ELAPOR2: variants seen among roughly 807,000 people sequenced by gnomAD.
The protein encoded by ELAPOR2 is endosome-lysosome associated apoptosis and autophagy regulator family member 2.
ELAPOR2 carries 89 observed loss-of-function variants against 120.7 expected under a neutral mutation model. The ratio of observed to expected loss-of-function variants is 0.74; its 90% CI spans 0.62 to 0.88. ELAPOR2 has a LOEUF of 0.88. Ranked by LOEUF, ELAPOR2 falls within the 40% of genes least tolerant of loss-of-function variation. The probability of loss-of-function intolerance (pLI) is 0.00; values close to 1 mark genes in which losing one functional copy is unlikely to be tolerated. For synonymous variants in ELAPOR2, 444 were observed against 444.9 expected, an observed-to-expected ratio of 1.00 and a Z score of 0.03; for missense variants, 1,134 against 1,251.6, an observed-to-expected ratio of 0.91 and a Z score of 1.42.
At chr7:86,955,800 C>T (rs1044992724) in intron 2 of ELAPOR2, among the ~76,000 whole-genome samples, 2 of 152,042 alleles carry the variant, frequency 1.3e-5, no homozygotes, top group Non-Finnish European at 2.9e-5. Context: ...AACTTTTCTA[C>T]TGTTTCTAGT....
In ELAPOR2 at chr7:86,986,363, A is replaced by G. The variant is rs1792736345; in HGVS notation, c.190-21339T>C. 1.8e-5 allele frequency among the ~76,000 whole-genome samples: 2 copies of G among 111,216 alleles called. 1 individual carries two copies. The allele number at this position is 111,216 out of a possible 152,430, so 73.0% of individuals were successfully genotyped here. A position where few individuals can be genotyped will look rare whatever the true frequency, so the allele number is the denominator to read the frequency against. On this transcript the variant is annotated intron_variant, in intron 1 of 21. Coordinates refer to ENST00000450689, the MANE Select transcript of ELAPOR2 (RefSeq NM_001142749.3). ...AGAATGGCGTGAACCCGGGAGGCGG[A>G]GCTTGCAGTGAGCCGAGATCCCGCC...
At chr7:86,959,988 A>G (rs1386239040) in intron 2 of ELAPOR2, among the ~76,000 whole-genome samples, 1 of 152,114 alleles carries the variant, frequency 6.6e-6, no homozygotes, top group African/African-American at 2.4e-5. Flanking sequence ...AGTGTGGTTT[A>G]ATTTCCATGT....
chr7:86,919,298 G>C lies in ELAPOR2; in HGVS notation c.1412C>G (p.Ala471Gly). The C allele has an allele frequency of 6.2e-7, 1 of 1,605,960 alleles. No individual in the cohort carries two copies. The highest frequency in any genetic ancestry group is 1.1e-5 in the South Asian group (1 of 89,838). ...AGCCCCACTCTGGATATGATCTCCA[G>C]CCACCTCCCAACCTAGAAGTAATAA... is the stretch of plus-strand genomic sequence containing the variant. ...KCDGMNGWEV[A>G]GDHIQSGAGG... The change falls in exon 11 of 22, where the codon GCT becomes GGT. Residue 471 changes from alanine to glycine, a missense_variant. Physicochemically the swap from Ala to Gly is moderately conservative, Grantham distance 60 (BLOSUM62 0). Around this residue, in one of 3 missense-constraint regions of ELAPOR2, gnomAD observed 831 missense variants for 867.6 expected, o/e 0.96. Coordinates refer to ENST00000450689, the MANE Select transcript of ELAPOR2 (RefSeq NM_001142749.3).
At chr7:86,964,261 C>T (rs773219105) in intron 2 of ELAPOR2, among the ~76,000 whole-genome samples, 4 of 150,252 alleles carry the variant, frequency 2.7e-5, no homozygotes, top group South Asian at 2.1e-4. Context: ...ACTAAATTAA[C>T]GATTTTAAAA....
At chr7:86,992,360 G>C (rs1562959271) in intron 1 of ELAPOR2, among the ~76,000 whole-genome samples, 1 of 152,172 alleles carries the variant, frequency 6.6e-6, no homozygotes, top group Non-Finnish European at 1.5e-5. Flanking sequence ...AAGCCTGGGA[G>C]TTTGAGGCTG....
At chr7:86,884,601 C>G (rs997208826) in intron 21 of ELAPOR2, among the ~76,000 whole-genome samples, 2 of 152,130 alleles carry the variant, frequency 1.3e-5, no homozygotes, top group Non-Finnish European at 2.9e-5. Flanking sequence ...GGAACCAATC[C>G]TGTATGACCG....
chr7:86,967,746 C>T (rs997630820), intron 1 of ELAPOR2, among the ~76,000 whole-genome samples: 8 of 152,146 alleles, frequency 5.3e-5, no homozygotes, highest in African/African-American at 1.7e-4. Flanking sequence ...ATGTCATGTG[C>T]CAATTAATTT....
At chr7:86,985,011 C>T (rs1454712897) in intron 1 of ELAPOR2, among the ~76,000 whole-genome samples, 1 of 152,036 alleles carries the variant, frequency 6.6e-6, no homozygotes, top group Non-Finnish European at 1.5e-5. Context: ...ATATCACCAC[C>T]AATCCCACAG....
In ELAPOR2 at chr7:86,897,773, A is replaced by G. The variant is rs144246420; in HGVS notation, c.2559-141T>C. On this transcript the variant is annotated intron_variant, in intron 18 of 21. Coordinates refer to ENST00000450689, the MANE Select transcript of ELAPOR2 (RefSeq NM_001142749.3). ...AAGAAACACAAGTGGAAAAAAGTCTAAAAGACACAAACCACTATGAGATAA... is the reference window on the plus strand; with the variant it reads ...AAGAAACACAAGTGGAAAAAAGTCTGAAAGACACAAACCACTATGAGATAA... 9.2e-4 allele frequency: 780 copies of G among 849,598 alleles called. 4 individuals are homozygous for G. The highest frequency in any genetic ancestry group is 7.6e-3 in the African/African-American group (441 of 57,946). 52.6% of individuals were successfully genotyped at this position (849,598 alleles called of 1,614,324 possible). A position where few individuals can be genotyped will look rare whatever the true frequency, so the allele number is the denominator to read the frequency against.
rs750257514 is a variant in ELAPOR2, at chr7:86,947,893, C to G, written c.340G>C (p.Glu114Gln). 6.4e-7 allele frequency: 1 copy of G among 1,552,136 alleles called. No homozygotes were observed. ...TFSCASGEYLEMKNQVCSKCG... is the reference protein window; with the variant it reads ...TFSCASGEYLQMKNQVCSKCG... ...TTACTGCATACCTGGTTCTTCATTT[C>G]TAGATACTCTCCAGAAGCACAGGAG... The change falls in exon 3 of 22, where the codon GAA (glutamate) becomes CAA (glutamine). Residue 114 changes from glutamate (E) to glutamine (Q), a missense_variant. By Grantham distance (29) the Glu-to-Gln change is conservative. Around this residue, in one of 3 missense-constraint regions of ELAPOR2, gnomAD observed 280 missense variants for 331.5 expected, o/e 0.84. Transcript: ENST00000450689.
chr7:86,942,079 A>G lies in ELAPOR2; in HGVS notation c.680T>C (p.Met227Thr). The G allele has an allele frequency of 6.5e-7, 1 of 1,548,554 alleles. No individual in the cohort carries two copies. The highest frequency in any genetic ancestry group is 1.4e-5 in the African/African-American group (1 of 73,054). ...FFIQNDQCQE[M>T]DTTTDKWVKL... Reference sequence around the variant, plus strand: ...TACCCACTTGTCAGTGGTGGTGTCCATCTCCTGGCACTGATCATTTTGAAT... The same window carrying G: ...TACCCACTTGTCAGTGGTGGTGTCCGTCTCCTGGCACTGATCATTTTGAAT... The change falls in exon 5 of 22, where the codon ATG (methionine) becomes ACG (threonine). Residue 227 changes from methionine to threonine, a missense_variant. Around this residue, in one of 3 missense-constraint regions of ELAPOR2, gnomAD observed 280 missense variants for 331.5 expected, o/e 0.84. Coordinates refer to ENST00000450689, the MANE Select transcript of ELAPOR2 (RefSeq NM_001142749.3).
At chr7:86,882,575 T>C (rs1799462620) in intron 21 of ELAPOR2, among the ~76,000 whole-genome samples, 1 of 152,160 alleles carries the variant, frequency 6.6e-6, no homozygotes, top group African/African-American at 2.4e-5. Context: ...CACATGTGTA[T>C]ATAATTAGGT....
chr7:86,919,646 T>C (rs1373676562), intron 10 of ELAPOR2: 4 of 170,262 alleles, frequency 2.3e-5, no homozygotes, highest in African/African-American at 9.5e-5. Flanking sequence ...AGGCAACCAA[T>C]GTGCAATAGA....
chr7:86,893,653 G>C (rs1176184803), intron 19 of ELAPOR2, among the ~76,000 whole-genome samples: 1 of 151,916 alleles, frequency 6.6e-6, no homozygotes, highest in Non-Finnish European at 1.5e-5. Flanking sequence ...TGGGCACACA[G>C]TCTACACCCT....
chr7:86,987,674 A>G (rs148104466), intron 1 of ELAPOR2, among the ~76,000 whole-genome samples: 56,192 of 148,418 alleles, frequency 0.38, 11,669 homozygotes, highest in African/African-American at 0.55. Context: ...TTAGAATGGC[A>G]ATCATTAAAA....
chr7:86,990,069 CAG>C (rs2116592753), intron 1 of ELAPOR2, among the ~76,000 whole-genome samples: 1 of 151,366 alleles, frequency 6.6e-6, no homozygotes, highest in African/African-American at 2.4e-5. Flanking sequence ...TTTTTTGAGA[CAG>C]AGTCTTGCTC....
chr7:86,944,196 C>A (rs1406408564), intron 4 of ELAPOR2, among the ~76,000 whole-genome samples: 1 of 152,066 alleles, frequency 6.6e-6, no homozygotes, highest in Non-Finnish European at 1.5e-5. Context: ...AATCTGAGAA[C>A]ATTTGCTCAA....
At chr7:86,918,027 ATGTTC>A (rs1789644720) in intron 12 of ELAPOR2, among the ~76,000 whole-genome samples, 1 of 152,108 alleles carries the variant, frequency 6.6e-6, no homozygotes, top group Non-Finnish European at 1.5e-5. Context: ...TCTCTTCTCA[ATGTTC>A]TACATCTCCA....
intron 4 of ELAPOR2, among the ~76,000 whole-genome samples, chr7:86,943,786 G>T (rs1421409675): frequency 6.6e-6 from 1 of 152,016 alleles, no homozygotes; most frequent in Non-Finnish European, 1.5e-5. Flanking sequence ...CAAACTAAAT[G>T]CAGGTTAAAC....
Sources: allele counts gnomAD v4.1 joint callset (sites outside exome capture counted in the v4.1 genomes callset), GRCh38; gene constraint gnomAD v4.1.1; regional missense constraint gnomAD v4.1.1; transcripts MANE v1.5; gene names NCBI Gene and HGNC (gene_info 2026-07-23, HGNC 2026-07-21).